Variants in TMPRSS7 observed in about 807,000 individuals in gnomAD.
The protein encoded by TMPRSS7 is transmembrane serine protease 7, also known as transmembrane protease serine 7.
In TMPRSS7, 81 loss-of-function variants were observed where a neutral mutation model predicts 95.6. The observed-to-expected ratio is 0.85, with a 90% CI of 0.71 to 1.02. The LOEUF is 1.02. Ranked by LOEUF, TMPRSS7 falls within the 50% of genes least tolerant of loss-of-function variation. TMPRSS7 has a pLI of 0.00. For synonymous variants in TMPRSS7, 364 were observed against 337.8 expected (o/e 1.08, Z -0.85); for missense variants, 945 against 955.2 (o/e 0.99, Z 0.14).
chr3:112,060,472 G>A (rs1477788879), intron 10 of TMPRSS7, among the ~76,000 whole-genome samples: 1 of 152,142 alleles, frequency 6.6e-6, no homozygotes, highest in African/African-American at 2.4e-5. Flanking sequence ...CATTTTAGAG[G>A]CCCACCCTCA....
At chr3:112,035,734 C>T (rs2073146242) in intron 1 of TMPRSS7, among the ~76,000 whole-genome samples, 1 of 152,090 alleles carries the variant, frequency 6.6e-6, no homozygotes, top group Non-Finnish European at 1.5e-5. Flanking sequence ...CTCTTGAATA[C>T]ATTATTAAAG....
intron 2 of TMPRSS7, among the ~76,000 whole-genome samples, chr3:112,038,891 G>A (rs948702988): frequency 3.3e-5 from 5 of 152,066 alleles, no homozygotes; most frequent in African/African-American, 1.2e-4. Flanking sequence ...GGAGATTGGG[G>A]ATAGGATGGG....
exon 2 of TMPRSS7, chr3:112,038,306 C>G (rs1037158569): frequency 2.8e-6 from 2 of 702,366 alleles, no homozygotes; most frequent in African/African-American, 3.5e-5. Flanking sequence ...CTGGACACTT[C>G]TGTGGCTGTA....
chr3:112,056,884 G>A (rs770332960), intron 9 of TMPRSS7, 141 bp from the exon 10 acceptor site: 15 of 535,010 alleles, frequency 2.8e-5, no homozygotes, highest in African/African-American at 5.8e-5. Context: ...TCCTTATCCC[G>A]CTTTGTTCAG....
At chr3:112,049,732 A>C in intron 7 of TMPRSS7, 112 bp from the exon 8 acceptor site, 1 of 869,784 alleles carries the variant, frequency 1.1e-6, no homozygotes, top group East Asian at 2.7e-5. Flanking sequence ...CCAAGAACTG[A>C]GTGGATGGAT....
chr3:112,078,662 G>A (rs186642193), intron 16 of TMPRSS7, 80 bp from the exon 17 acceptor site: 12 of 1,564,120 alleles, frequency 7.7e-6, no homozygotes, highest in African/African-American at 2.7e-5. Flanking sequence ...GAGATAATGT[G>A]TGTTAACTTT....
At chr3:112,047,809 C>G (rs528302591) in exon 7 of TMPRSS7, 2 of 1,614,154 alleles carry the variant, frequency 1.2e-6, no homozygotes, top group Non-Finnish European at 1.7e-6. Context: ...TTTCTGCAGC[C>G]TCAGGGAGGC....
intron 9 of TMPRSS7, among the ~76,000 whole-genome samples, chr3:112,053,769 T>C (rs1463637133): frequency 6.6e-6 from 1 of 152,208 alleles, no homozygotes; most frequent in African/African-American, 2.4e-5. Context: ...CTAGAAGGAA[T>C]CATGCCTCCT....
chr3:112,050,121 T>C, intron 8 of TMPRSS7, 147 bp downstream of exon 8: 1 of 726,040 alleles, frequency 1.4e-6, no homozygotes, highest in Non-Finnish European at 2.0e-6. Context: ...AGAGACCATA[T>C]TAGTTATTTA....
Position 112,066,345 on chromosome 3 carries a change from C to T in TMPRSS7, c.1556-47C>T, listed in dbSNP as rs537032397. 4 of 1,546,674 alleles carry T rather than the reference C, an allele frequency of 2.6e-6. No homozygotes were observed. In the Admixed American group the frequency reaches 5.0e-5, roughly 19 times the overall value. On this transcript the variant is annotated intron_variant, in intron 12 of 17. Transcript: ENST00000452346. Reference sequence around the variant, plus strand: ...CACTGCTGATCATCAGAGAACCCAGCTGGTGTCTCAGGCTCGTGAACTTTC... The same window carrying T: ...CACTGCTGATCATCAGAGAACCCAGTTGGTGTCTCAGGCTCGTGAACTTTC...
intron 4 of TMPRSS7, 125 bp from the exon 5 acceptor site, chr3:112,045,624 CT>C: frequency 1.2e-6 from 1 of 859,954 alleles, no homozygotes. Flanking sequence ...CAATGACTAC[CT>C]AAAGAAGGGA....
chr3:112,074,246 A>C (rs761816548), intron 13 of TMPRSS7, 50 bp from the exon 14 acceptor site: 1 of 1,313,986 alleles, frequency 7.6e-7, no homozygotes, highest in Non-Finnish European at 1.1e-6. Flanking sequence ...TCATTCACTC[A>C]AGTTTGTTTC....
intron 2 of TMPRSS7, 87 bp from the exon 3 acceptor site, chr3:112,041,833 G>A (rs1465006186): frequency 2.4e-6 from 2 of 841,836 alleles, no homozygotes; most frequent in East Asian, 2.7e-5. Flanking sequence ...AATTATTTTA[G>A]GAGCCTCATA....
At position 112,078,895 on chromosome 3, in the gene TMPRSS7, T is replaced by C. The variant is rs2073746410; in HGVS notation, c.2361+17T>C. On this transcript the variant is annotated intron_variant, in intron 17 of 17. Transcript: ENST00000452346. ...GCCTGCAAAGTAAGTCATTGTACCT[T>C]TCCCTTGCCTAACATGTTGTGCTTT... 1.2e-6 allele frequency: 2 copies of C among 1,611,062 alleles called. No individual in the cohort carries two copies. The highest frequency in any genetic ancestry group is 1.7e-6 in the Non-Finnish European group (2 of 1,178,926).
intron 16 of TMPRSS7, among the ~76,000 whole-genome samples, chr3:112,077,631 A>G (rs1240774877): frequency 1.3e-5 from 2 of 152,154 alleles, no homozygotes; most frequent in Admixed American, 1.3e-4. Context: ...GACTGCCCTT[A>G]GTTTCCAGAC....
rs564958898 is a variant in TMPRSS7, at chr3:112,050,543, A to T, written c.1091-128A>T. ...TTCTGAAAAAAAAAAAAAAAACCCA[A>T]AGTTTAAGAAATGTATAAAGCTTGT... On this transcript the variant is annotated intron_variant, in intron 8 of 17. Coordinates refer to ENST00000452346, the Ensembl canonical transcript of TMPRSS7. The T allele has an allele frequency of 1.9e-4, 77 of 413,200 alleles. No homozygotes were observed. The South Asian group carries it at 2.8e-3, about 15-fold the overall frequency. The allele number at this position is 413,200 out of a possible 1,614,324, so 25.6% of individuals were successfully genotyped here. A position where few individuals can be genotyped will look rare whatever the true frequency, so the allele number is the denominator to read the frequency against.
chr3:112,063,998 CT>C (rs1267396732), intron 12 of TMPRSS7, among the ~76,000 whole-genome samples: 1 of 152,156 alleles, frequency 6.6e-6, no homozygotes, highest in Non-Finnish European at 1.5e-5. Context: ...CACATGGTTT[CT>C]CATAAGGCCT....
rs1278886435 is a variant in TMPRSS7 at position 112,074,536 on chromosome 3, G to C, written c.1783+124G>C. ...GGTTGCCATAGCCAAAACAAGAATA[G>C]TAACTATTGACAAACTGAGTCTGAA... On this transcript the variant is annotated intron_variant, in intron 14 of 17. Transcript: ENST00000452346. 8 of 619,326 alleles carry C rather than the reference G, an allele frequency of 1.3e-5. No homozygotes were observed. The East Asian group carries it at 2.3e-4, about 18-fold the overall frequency. 38.4% of individuals were successfully genotyped at this position (619,326 alleles called of 1,614,324 possible). A position where few individuals can be genotyped will look rare whatever the true frequency, so the allele number is the denominator to read the frequency against.
chr3:112,051,410 T>C (rs2073347423), intron 9 of TMPRSS7, among the ~76,000 whole-genome samples: 1 of 152,142 alleles, frequency 6.6e-6, no homozygotes, highest in South Asian at 2.1e-4. Context: ...TATCTGAGAA[T>C]TTTGGTATCT....
Sources: gnomAD v4.1 joint callset for allele counts (sites outside exome capture counted in the v4.1 genomes callset) on GRCh38, gnomAD v4.1.1 for gene constraint, MANE v1.5 for transcripts, NCBI Gene and HGNC (gene_info 2026-07-23, HGNC 2026-07-21) for gene names.